Variants in STRBP observed in about 807,000 individuals in gnomAD.
The protein encoded by STRBP is spermatid perinuclear RNA-binding protein.
In STRBP, 13 loss-of-function variants were observed where a neutral mutation model predicts 80.1. That is an observed-to-expected ratio of 0.16 (90% CI 0.11 to 0.26). STRBP has a LOEUF of 0.26. STRBP is among the 10% of genes least tolerant of loss of function. The pLI is 1.00. For missense variants in STRBP, 485 were observed against 815.2 expected (o/e 0.59, Z 4.93); for synonymous variants, 284 against 291.2 (o/e 0.98, Z 0.25).
intron 1 of STRBP, among the ~76,000 whole-genome samples, chr9:123,266,194 G>C (rs2041262652): frequency 6.6e-6 from 1 of 152,088 alleles, no homozygotes; most frequent in Non-Finnish European, 1.5e-5. Context: ...TCGTGACCCT[G>C]TGTGGCCCTT....
At chr9:123,245,223 T>G (rs1383505398) in intron 1 of STRBP, among the ~76,000 whole-genome samples, 1 of 152,210 alleles carries the variant, frequency 6.6e-6, no homozygotes, top group Non-Finnish European at 1.5e-5. Context: ...AAACCAAATT[T>G]TTCCCCTTGA....
At chr9:123,265,323 T>C (rs2041244232) in intron 1 of STRBP, among the ~76,000 whole-genome samples, 1 of 152,208 alleles carries the variant, frequency 6.6e-6, no homozygotes, top group Non-Finnish European at 1.5e-5. Flanking sequence ...ATGGCTGCAT[T>C]AAGATACTTC....
intron 1 of STRBP, among the ~76,000 whole-genome samples, chr9:123,258,493 T>A: frequency 6.6e-6 from 1 of 152,164 alleles, no homozygotes; most frequent in Admixed American, 6.5e-5. Flanking sequence ...GACAGAAATA[T>A]GCCTGGTATG....
chr9:123,159,338 T>A, intron 8 of STRBP, 131 bp from the exon 9 acceptor site: 1 of 550,578 alleles, frequency 1.8e-6, no homozygotes, highest in Non-Finnish European at 3.1e-6. Flanking sequence ...AGGACCCACT[T>A]AACATTTTCC....
At chr9:123,243,351 T>A (rs555525724) in intron 1 of STRBP, among the ~76,000 whole-genome samples, 1 of 151,704 alleles carries the variant, frequency 6.6e-6, no homozygotes, top group South Asian at 2.1e-4. Context: ...AATCACAGAC[T>A]TAAAACTATA....
intron 4 of STRBP, among the ~76,000 whole-genome samples, chr9:123,178,333 TG>T: frequency 6.6e-6 from 1 of 152,200 alleles, no homozygotes; most frequent in East Asian, 1.9e-4. Flanking sequence ...CCAATCATTG[TG>T]ACAACTGCTC....
chr9:123,264,246 G>C (rs1032858211), intron 1 of STRBP, among the ~76,000 whole-genome samples: 1 of 152,214 alleles, frequency 6.6e-6, no homozygotes, highest in Non-Finnish European at 1.5e-5. Flanking sequence ...TTCCTGCTTA[G>C]AAACAATCTT....
chr9:123,248,118 G>A (rs2040835611), intron 1 of STRBP, among the ~76,000 whole-genome samples: 1 of 152,034 alleles, frequency 6.6e-6, no homozygotes, highest in Admixed American at 6.6e-5. Flanking sequence ...CCAAAGCAAG[G>A]TATCTGAGTA....
At chr9:123,162,930 C>T (rs1418943983) in intron 6 of STRBP, among the ~76,000 whole-genome samples, 2 of 152,184 alleles carry the variant, frequency 1.3e-5, no homozygotes, top group African/African-American at 4.8e-5. Flanking sequence ...ATACAAGCAT[C>T]TGTGTAAAGC....
intron 8 of STRBP, among the ~76,000 whole-genome samples, chr9:123,159,622 G>T (rs2037437975): frequency 6.6e-6 from 1 of 152,026 alleles, no homozygotes; most frequent in Non-Finnish European, 1.5e-5. Flanking sequence ...ATAATAATAA[G>T]ACTTCGTTTC....
At chr9:123,146,291 T>C (rs911382579) in intron 13 of STRBP, among the ~76,000 whole-genome samples, 3 of 151,928 alleles carry the variant, frequency 2.0e-5, no homozygotes, top group African/African-American at 7.3e-5. Context: ...ATGGAAATAT[T>C]CTAAAAATAC....
At chr9:123,264,347 AG>A (rs1462990945) in intron 1 of STRBP, among the ~76,000 whole-genome samples, 1 of 152,258 alleles carries the variant, frequency 6.6e-6, no homozygotes, top group African/African-American at 2.4e-5. Context: ...GAAATTGGAA[AG>A]GTAAGCAGAC....
At chr9:123,179,657 T>C (rs2038371546) in intron 3 of STRBP, among the ~76,000 whole-genome samples, 1 of 151,938 alleles carries the variant, frequency 6.6e-6, no homozygotes, top group Admixed American at 6.6e-5. Flanking sequence ...GCACCTATAG[T>C]CCCAGCTACT....
intron 2 of STRBP, among the ~76,000 whole-genome samples, chr9:123,230,796 GCTTGTGTCTTCC>G (rs2040375294): frequency 6.6e-6 from 1 of 152,164 alleles, no homozygotes; most frequent in Non-Finnish European, 1.5e-5. Flanking sequence ...TAACTAAACA[GCTTGTGTCTTCC>G]ACATACTTTT....
intron 2 of STRBP, among the ~76,000 whole-genome samples, chr9:123,225,348 A>G (rs1588128276): frequency 1.3e-5 from 2 of 152,356 alleles, no homozygotes; most frequent in East Asian, 3.9e-4. Flanking sequence ...GAAAAAGGAA[A>G]ACAGAAAAGT....
chr9:123,252,911 G>C (rs1278213691), intron 1 of STRBP, among the ~76,000 whole-genome samples: 1 of 152,160 alleles, frequency 6.6e-6, no homozygotes, highest in Non-Finnish European at 1.5e-5. Context: ...TTTATGAGGT[G>C]ACTTACTAGG....
At chr9:123,205,792 G>A (rs1468120514) in intron 2 of STRBP, among the ~76,000 whole-genome samples, 2 of 152,200 alleles carry the variant, frequency 1.3e-5, no homozygotes, top group South Asian at 2.1e-4. Flanking sequence ...GTTGGAAACT[G>A]TGTATCTAGG....
chr9:123,163,473 T>G (rs1019656128), intron 6 of STRBP, among the ~76,000 whole-genome samples: 4 of 152,198 alleles, frequency 2.6e-5, no homozygotes, highest in Non-Finnish European at 5.9e-5. Flanking sequence ...TGCACCAGGT[T>G]CCCTTTTCCA....
chr9:123,174,121 A>AT (rs111613021), intron 4 of STRBP, among the ~76,000 whole-genome samples: 1 of 152,124 alleles, frequency 6.6e-6, no homozygotes, highest in Non-Finnish European at 1.5e-5. Context: ...TCTCTTAAAT[A>AT]TTTTTTCAAA....
Sources: gnomAD v4.1 joint callset for allele counts (sites outside exome capture counted in the v4.1 genomes callset) on GRCh38, gnomAD v4.1.1 for gene constraint, MANE v1.5 for transcripts, NCBI Gene and HGNC (gene_info 2026-07-23, HGNC 2026-07-21) for gene names.